ELF2: variants seen among roughly 807,000 people sequenced by gnomAD.
ELF2 encodes the protein ETS-related transcription factor Elf-2.
A neutral mutation model predicts 54.8 loss-of-function variants in ELF2; 11 were observed. The observed-to-expected ratio is 0.20, with a 90% CI of 0.13 to 0.33. ELF2 has a LOEUF of 0.33. ELF2 is among the 10% of genes least tolerant of loss of function. ELF2 has a pLI of 1.00. For synonymous variants in ELF2, 203 were observed against 245.1 expected, an observed-to-expected ratio of 0.83 and a Z score of 1.61; for missense variants, 513 against 703.0, an observed-to-expected ratio of 0.73 and a Z score of 3.06.
At chr4:139,059,876 CTCAGTCTG>C (rs973574649) in intron 9 of ELF2, among the ~76,000 whole-genome samples, 1 of 148,302 alleles carries the variant, frequency 6.7e-6, no homozygotes, top group African/African-American at 2.5e-5. Context: ...GAGATAAGGT[CTCAGTCTG>C]TCACCTAGGC....
At chr4:139,092,472 A>ATAACATAACATAACATAACATAACAT (rs1553959712) in intron 4 of ELF2, among the ~76,000 whole-genome samples, 2 of 151,082 alleles carry the variant, frequency 1.3e-5, no homozygotes, top group African/African-American at 2.4e-5. Context: ...ATAACATAAC[A>ATAACATAACATAACATAACATAACAT]TAGGGCCGGG....
At chr4:139,112,020 T>C (rs1734997519) in intron 4 of ELF2, among the ~76,000 whole-genome samples, 1 of 152,202 alleles carries the variant, frequency 6.6e-6, no homozygotes, top group Non-Finnish European at 1.5e-5. Context: ...TCAAAACTGC[T>C]CAAAACTTTT....
intron 9 of ELF2, 102 bp from the exon 10 acceptor site, chr4:139,059,709 GTGCTCC>G: frequency 1.4e-6 from 2 of 1,407,582 alleles, no homozygotes; most frequent in Non-Finnish European, 1.9e-6. Context: ...TGTAAAATTA[GTGCTCC>G]CAAATTTTAC....
Position 139,125,338 on chromosome 4 carries a change from G to C in ELF2, c.73-9C>G. 6.2e-7 allele frequency: 1 copy of C among 1,600,396 alleles called. No individual in the cohort carries two copies. The highest frequency in any genetic ancestry group is 8.5e-7 in the Non-Finnish European group (1 of 1,176,880). On this transcript the variant is annotated splice_polypyrimidine_tract_variant and intron_variant, in intron 3 of 9. Transcript: ENST00000686138. Reference sequence around the variant, plus strand: ...GAAACCTTTTCACTTTCCTATAAGAGCAAATTTAAAGAACAATCAACCTTT... The same window carrying C: ...GAAACCTTTTCACTTTCCTATAAGACCAAATTTAAAGAACAATCAACCTTT...
intron 1 of ELF2, among the ~76,000 whole-genome samples, chr4:139,146,483 T>A (rs1739234892): frequency 6.6e-6 from 1 of 152,168 alleles, no homozygotes; most frequent in Non-Finnish European, 1.5e-5. Flanking sequence ...ACAAATCTGA[T>A]CAAAACAGCA....
chr4:139,072,222 T>C (rs1729616226), intron 5 of ELF2, 183 bp from the exon 6 acceptor site: 1 of 572,444 alleles, frequency 1.7e-6, no homozygotes, highest in South Asian at 2.6e-5. Context: ...GGAAAATAAA[T>C]GCATGGAAAA....
chr4:139,105,320 CTT>C (rs112362059), intron 4 of ELF2, among the ~76,000 whole-genome samples: 2,525 of 152,232 alleles, frequency 0.017, 76 homozygotes, highest in East Asian at 0.1. Context: ...AATGTAGAGA[CTT>C]TGCCTTTCTT....
chr4:139,060,275 A>G (rs747535742), intron 9 of ELF2, 49 bp downstream of exon 9: 1 of 1,460,248 alleles, frequency 6.8e-7, no homozygotes, highest in Admixed American at 2.7e-5. Context: ...CACCACGGAG[A>G]CTTTTTTAAA....
intron 9 of ELF2, 89 bp downstream of exon 9, chr4:139,060,235 C>G: frequency 8.3e-7 from 1 of 1,198,812 alleles, no homozygotes; most frequent in Non-Finnish European, 1.1e-6. Context: ...TCTTAGAACA[C>G]TAATATTAAG....
At chr4:139,136,506 G>A (rs1445035481) in intron 3 of ELF2, among the ~76,000 whole-genome samples, 1 of 151,888 alleles carries the variant, frequency 6.6e-6, no homozygotes, top group Non-Finnish European at 1.5e-5. Context: ...TATACTGGTA[G>A]GAAGCACGAG....
intron 4 of ELF2, among the ~76,000 whole-genome samples, chr4:139,089,087 TCAAAAA>T (rs1329210731): frequency 6.6e-6 from 1 of 152,206 alleles, no homozygotes; most frequent in Non-Finnish European, 1.5e-5. Flanking sequence ...CTATACTGAT[TCAAAAA>T]TCAGCATATC....
rs1288125922 is a variant in ELF2, at chr4:139,170,038, C to T, written c.-252+6929G>A. On this transcript the variant is annotated intron_variant, in intron 1 of 9. Coordinates refer to ENST00000686138, the MANE Select transcript of ELF2 (RefSeq NM_001331036.3). ...TGTATGTAAAAGATGAATTTAGAAC[C>T]TTATTTCTCACCATACACAGAAATT... 2.0e-5 allele frequency among the ~76,000 whole-genome samples: 3 copies of T among 152,136 alleles called. No homozygotes were observed. The South Asian group carries it at 6.2e-4, about 32-fold the overall frequency.
intron 4 of ELF2, among the ~76,000 whole-genome samples, chr4:139,077,790 G>A (rs1191712789): frequency 6.6e-6 from 1 of 152,166 alleles, no homozygotes; most frequent in Admixed American, 6.5e-5. Context: ...GAGCTGAAAA[G>A]TAGAATTCCT....
At chr4:139,111,974 C>G (rs148681884) in intron 4 of ELF2, among the ~76,000 whole-genome samples, 1 of 152,254 alleles carries the variant, frequency 6.6e-6, no homozygotes, top group Admixed American at 6.5e-5. Flanking sequence ...TCATTTACAG[C>G]ACTTACTATT....
chr4:139,158,696 A>G (rs1030047730), intron 1 of ELF2, among the ~76,000 whole-genome samples: 2 of 152,204 alleles, frequency 1.3e-5, no homozygotes, highest in Non-Finnish European at 2.9e-5. Flanking sequence ...ACTAAACGGA[A>G]TAAGAGAAGG....
intron 1 of ELF2, among the ~76,000 whole-genome samples, chr4:139,157,996 A>G (rs1387138783): frequency 1.3e-5 from 2 of 152,204 alleles, no homozygotes; most frequent in South Asian, 2.1e-4. Flanking sequence ...GTGTGAAGAG[A>G]CCACCAAACA....
chr4:139,089,726 A>G (rs1407111436), intron 4 of ELF2, among the ~76,000 whole-genome samples: 2 of 152,216 alleles, frequency 1.3e-5, no homozygotes, highest in South Asian at 2.1e-4. Flanking sequence ...AAAGTATTCC[A>G]GTGTATGCAT....
chr4:139,138,473 AAT>A (rs1738399763), intron 2 of ELF2, among the ~76,000 whole-genome samples: 2 of 152,302 alleles, frequency 1.3e-5, no homozygotes, highest in South Asian at 2.1e-4. Flanking sequence ...TTATTCCTGA[AAT>A]ATGTTAGTTT....
rs1419337117 is a variant in ELF2, at chr4:139,145,502, C to A, written c.-251-6005G>T. Among the ~76,000 whole-genome samples, 4 of 152,166 alleles carry A rather than the reference C, an allele frequency of 2.6e-5. No homozygotes were observed. The East Asian group carries it at 7.7e-4, about 29-fold the overall frequency. On this transcript the variant is annotated intron_variant, in intron 1 of 9. Coordinates refer to ENST00000686138, the MANE Select transcript of ELF2 (RefSeq NM_001331036.3). ...TACTCCTAGGGCAAGGGGGACAGCA[C>A]CACATCAAGGAAGCAACCTGTTCTT...
Sources: allele counts gnomAD v4.1 joint callset (sites outside exome capture counted in the v4.1 genomes callset), GRCh38; gene constraint gnomAD v4.1.1; transcripts MANE v1.5; gene names NCBI Gene and HGNC (gene_info 2026-07-23, HGNC 2026-07-21).